The following LAMA2 variants were observed in gnomAD, a reference collection of about 807,000 sequenced individuals.
The protein encoded by LAMA2 is laminin subunit alpha-2.
Under a neutral mutation model 364.8 loss-of-function variants are expected in LAMA2, and 269 were observed. That is an observed-to-expected ratio of 0.74 (90% CI 0.67 to 0.82). LAMA2 has a LOEUF of 0.82. Among genes scored for constraint, LAMA2 ranks in the 40% least tolerant of loss-of-function variants. LAMA2 has a pLI of 0.00. For synonymous variants in LAMA2, 1,379 were observed against 1,370.6 expected, an observed-to-expected ratio of 1.01 and a Z score of -0.14; for missense variants, 3,807 against 3,873.2, an observed-to-expected ratio of 0.98 and a Z score of 0.45.
In LAMA2 at chr6:129,143,936, C is replaced by T. The variant is rs139665175; in HGVS notation, c.675C>T (p.Ala225=). The T allele has an allele frequency of 5.3e-4, 860 of 1,610,802 alleles. 5 individuals carry two copies. The African/African-American group carries it at 8.7e-3, about 16-fold the overall frequency. ...CTTTAATCAATGGGAGACCAAGTGC[C>T]GATGATCCTTCTCCAGAACTGCTAG... ...HISLINGRPS[A]DDPSPELLEF... The change falls in exon 5 of 65, where the codon GCC becomes GCT. Residue 225 remains alanine (A), a synonymous_variant. Transcript: ENST00000421865.
At chr6:129,212,756 A>G (rs1450741842) in intron 12 of LAMA2, among the ~76,000 whole-genome samples, 1 of 152,248 alleles carries the variant, frequency 6.6e-6, no homozygotes, top group Middle Eastern at 3.2e-3. Context: ...TCACTTAGGA[A>G]GCAGCTGCCT....
intron 9 of LAMA2, among the ~76,000 whole-genome samples, chr6:129,170,180 T>G (rs1410680040): frequency 1.3e-5 from 2 of 149,074 alleles, no homozygotes; most frequent in Non-Finnish European, 3.0e-5. Context: ...TGCTCTGATT[T>G]TAGTTATTTC....
rs568171545 is a variant in LAMA2, at chr6:129,352,917, A to G, written c.4524-247A>G. On this transcript the variant is annotated intron_variant, in intron 31 of 64. Coordinates refer to ENST00000421865, the MANE Select transcript of LAMA2 (RefSeq NM_000426.4). ...TAACATTATTATTATTATTATTATT[A>G]ATGTTTTCAATTCCATCAACAACAG... 2.4e-3 allele frequency among the ~76,000 whole-genome samples: 370 copies of G among 152,146 alleles called. 2 individuals are homozygous for G. The highest frequency in any genetic ancestry group is 4.2e-3 in the Admixed American group (64 of 15,276).
rs764464282 is a variant in LAMA2, at chr6:129,059,904, T to A, written c.396+8T>A. 179 of 1,446,326 alleles carry A rather than the reference T, an allele frequency of 1.2e-4. 1 individual carries two copies. In the South Asian group the frequency reaches 1.9e-3, roughly 16 times the overall value. 89.6% of individuals were successfully genotyped at this position (1,446,326 alleles called of 1,614,324 possible). Reference sequence around the variant, plus strand: ...ACCCTGGATTTACAGCAGGTATAGTTCCTCTTTTTTTGTCATTTCCACTTT... The same window carrying A: ...ACCCTGGATTTACAGCAGGTATAGTACCTCTTTTTTTGTCATTTCCACTTT... On this transcript the variant is annotated splice_region_variant and intron_variant, in intron 3 of 64. Coordinates refer to ENST00000421865, the MANE Select transcript of LAMA2 (RefSeq NM_000426.4).
At chr6:129,234,662 A>G (rs992583135) in intron 12 of LAMA2, among the ~76,000 whole-genome samples, 2 of 152,202 alleles carry the variant, frequency 1.3e-5, no homozygotes, top group African/African-American at 4.8e-5. Flanking sequence ...TCAAAACTGC[A>G]TTTTTGAAAT....
chr6:128,915,308 A>G (rs1365051739), intron 1 of LAMA2, among the ~76,000 whole-genome samples: 2 of 152,236 alleles, frequency 1.3e-5, no homozygotes, highest in South Asian at 2.1e-4. Context: ...ATACATACAC[A>G]TACGAATTTT....
At chr6:129,007,866 G>A (rs1234195404) in intron 1 of LAMA2, among the ~76,000 whole-genome samples, 2 of 152,146 alleles carry the variant, frequency 1.3e-5, no homozygotes, top group African/African-American at 4.8e-5. Context: ...TGTCTTTGGG[G>A]TGTACTTGAT....
intron 56 of LAMA2, among the ~76,000 whole-genome samples, chr6:129,488,397 A>G (rs192616711): frequency 6.6e-6 from 1 of 152,318 alleles, no homozygotes; most frequent in Admixed American, 6.5e-5. Flanking sequence ...TACCGAAATC[A>G]CTCAAAATGT....
At chr6:129,254,197 A>G (rs1786469056) in intron 14 of LAMA2, among the ~76,000 whole-genome samples, 1 of 152,234 alleles carries the variant, frequency 6.6e-6, no homozygotes, top group African/African-American at 2.4e-5. Context: ...ACTTATTTAC[A>G]GTGGATTTAC....
chr6:129,334,334 T>G (rs1775825533), intron 29 of LAMA2, among the ~76,000 whole-genome samples: 1 of 152,198 alleles, frequency 6.6e-6, no homozygotes, highest in Admixed American at 6.5e-5. Flanking sequence ...CTGAATGAGG[T>G]CTTAGTTTCT....
At chr6:129,380,577 G>A (rs1364760294) in intron 34 of LAMA2, among the ~76,000 whole-genome samples, 2 of 152,080 alleles carry the variant, frequency 1.3e-5, no homozygotes, top group Non-Finnish European at 1.5e-5. Context: ...TAGCACCCTG[G>A]GAATGGCCAC....
chr6:128,916,368 T>C (rs1046027645), intron 1 of LAMA2, among the ~76,000 whole-genome samples: 1 of 152,156 alleles, frequency 6.6e-6, no homozygotes, highest in Non-Finnish European at 1.5e-5. Context: ...AAAATAAATA[T>C]AATAATCAGA....
intron 40 of LAMA2, among the ~76,000 whole-genome samples, chr6:129,426,018 G>A (rs2114737656): frequency 6.6e-6 from 1 of 152,034 alleles, no homozygotes; most frequent in African/African-American, 2.4e-5. Context: ...TTCTTTTTTT[G>A]TCTAGTTTCA....
intron 36 of LAMA2, 109 bp downstream of exon 36, chr6:129,391,762 C>A (rs566667114): frequency 4.5e-5 from 40 of 881,952 alleles, no homozygotes; most frequent in Non-Finnish European, 7.1e-5. Context: ...TTTGTTTTTC[C>A]AACCTGGAGA....
At chr6:129,430,932 G>C (rs1781559849) in intron 41 of LAMA2, among the ~76,000 whole-genome samples, 1 of 151,940 alleles carries the variant, frequency 6.6e-6, no homozygotes, top group Non-Finnish European at 1.5e-5. Context: ...TGTGTACGAG[G>C]CAAGGAAGAA....
At chr6:129,267,339 A>G in intron 16 of LAMA2, 120 bp downstream of exon 16, 1 of 764,278 alleles carries the variant, frequency 1.3e-6, no homozygotes, top group South Asian at 1.4e-5. Context: ...GCTTTGACAA[A>G]GATCTTTGTA....
chr6:129,301,908 G>A (rs145085922), intron 22 of LAMA2, among the ~76,000 whole-genome samples: 1 of 151,928 alleles, frequency 6.6e-6, no homozygotes, highest in Non-Finnish European at 1.5e-5. Context: ...GGGGGGGTTT[G>A]TTTGTTTCTT....
At chr6:128,987,431 G>A (rs1048559596) in intron 1 of LAMA2, among the ~76,000 whole-genome samples, 2 of 152,016 alleles carry the variant, frequency 1.3e-5, no homozygotes, top group African/African-American at 4.8e-5. Flanking sequence ...GTGAGCTACC[G>A]TGCCCTGCCA....
chr6:129,201,503 A>G (rs1782285721), intron 12 of LAMA2, among the ~76,000 whole-genome samples: 1 of 152,212 alleles, frequency 6.6e-6, no homozygotes, highest in African/African-American at 2.4e-5. Flanking sequence ...GGCTGCTAAT[A>G]GTTTATTTTC....
Sources: allele counts gnomAD v4.1 joint callset (sites outside exome capture counted in the v4.1 genomes callset), GRCh38; gene constraint gnomAD v4.1.1; transcripts MANE v1.5; gene names NCBI Gene and HGNC (gene_info 2026-07-23, HGNC 2026-07-21).